Variants in DOCK3 observed in about 807,000 individuals in gnomAD.
The protein encoded by DOCK3 is dedicator of cytokinesis protein 3.
A neutral mutation model predicts 265.6 loss-of-function variants in DOCK3; 60 were observed. The observed-to-expected ratio is 0.23, with a 90% CI of 0.18 to 0.28. The LOEUF (loss-of-function observed/expected upper bound fraction) is 0.28, where lower values mean the gene tolerates loss of function less well. DOCK3 is among the 10% of genes least tolerant of loss of function. DOCK3 has a pLI of 1.00. For synonymous variants in DOCK3, 881 were observed against 938.0 expected (o/e 0.94, Z 1.11); for missense variants, 1,981 against 2,594.3 (o/e 0.76, Z 5.14).
At chr3:51,089,214 A>T in intron 7 of DOCK3, 29 bp from the exon 8 acceptor site, 1 of 1,588,504 alleles carries the variant, frequency 6.3e-7, no homozygotes, top group South Asian at 1.1e-5. Flanking sequence ...TTCCCGGTAG[A>T]GTTTATTTTT....
intron 23 of DOCK3, among the ~76,000 whole-genome samples, chr3:51,265,082 A>T (rs1009033089): frequency 6.6e-6 from 1 of 152,166 alleles, no homozygotes; most frequent in African/African-American, 2.4e-5. Flanking sequence ...ACCTCTGTGC[A>T]AATAAACTAG....
In DOCK3 at chr3:50,675,432, C is replaced by A; in HGVS notation, c.37+132C>A. On this transcript the variant is annotated intron_variant, in intron 1 of 52. Coordinates refer to ENST00000266037, the MANE Select transcript of DOCK3 (RefSeq NM_004947.5). The surrounding 1 kb of genome is among the most constrained non-coding windows in gnomAD (Gnocchi z 6.1). ...GCGCGGCCTCGGCGCGGGGCGAGCG[C>A]GGGGTGGGGGCAGGTGCGGGTGCGG... 1.4e-5 allele frequency: 11 copies of A among 780,742 alleles called. No homozygotes were observed. The highest frequency in any genetic ancestry group is 1.6e-5 in the Non-Finnish European group (10 of 619,762). The allele number at this position is 780,742 out of a possible 1,614,324, so 48.4% of individuals were successfully genotyped here. A position where few individuals can be genotyped will look rare whatever the true frequency, so the allele number is the denominator to read the frequency against.
chr3:51,244,555 A>C (rs1024527724), intron 21 of DOCK3, among the ~76,000 whole-genome samples: 2 of 152,102 alleles, frequency 1.3e-5, no homozygotes, highest in African/African-American at 4.8e-5. Flanking sequence ...TACTGAATTT[A>C]TTTATTAGTT....
chr3:51,037,467 T>C (rs985029723), intron 5 of DOCK3, among the ~76,000 whole-genome samples: 9 of 152,186 alleles, frequency 5.9e-5, no homozygotes, highest in Non-Finnish European at 1.0e-4. Flanking sequence ...TTTTTATTCA[T>C]TCCTTTCCAG....
chr3:51,039,881 GTCT>G (rs1404738418), intron 5 of DOCK3, among the ~76,000 whole-genome samples: 1 of 81,040 alleles, frequency 1.2e-5, no homozygotes, highest in African/African-American at 5.3e-5. Flanking sequence ...GTGCTTTGAG[GTCT>G]TTTTTTTTTT....
intron 12 of DOCK3, among the ~76,000 whole-genome samples, chr3:51,199,993 C>T (rs2088610618): frequency 6.6e-6 from 1 of 152,136 alleles, no homozygotes; most frequent in South Asian, 2.1e-4. Flanking sequence ...AGAAGGAAAA[C>T]TAACAAACAG....
At chr3:50,779,298 GT>G (rs1449748418) in intron 2 of DOCK3, among the ~76,000 whole-genome samples, 3 of 152,044 alleles carry the variant, frequency 2.0e-5, no homozygotes, top group Non-Finnish European at 4.4e-5. Context: ...CTACGTTATA[GT>G]CCATTTATTT....
Position 51,239,581 on chromosome 3 carries a change from G to GT in DOCK3, c.2102+1999dup, listed in dbSNP as rs1026869430. Among the ~76,000 whole-genome samples the GT allele has an allele frequency of 5.1e-3, 673 of 130,784 alleles. 8 individuals are homozygous for GT. Among genetic ancestry groups the GT allele is most frequent in the African/African-American group, 0.016 (593 of 36,312 alleles). 85.8% of individuals were successfully genotyped at this position (130,784 alleles called of 152,430 possible). A position where few individuals can be genotyped will look rare whatever the true frequency, so the allele number is the denominator to read the frequency against. ...TTTTTTTTTTGTTTGTTTGTTTTTTGTTTTTTTTGTTTTTTTTTAGTTGGT... is the reference window on the plus strand; with the variant it reads ...TTTTTTTTTTGTTTGTTTGTTTTTTGTTTTTTTTTGTTTTTTTTTAGTTGGT... On this transcript the variant is annotated intron_variant, in intron 21 of 52. Transcript: ENST00000266037.
chr3:50,985,231 C>T (rs1426828498), intron 5 of DOCK3, among the ~76,000 whole-genome samples: 1 of 152,124 alleles, frequency 6.6e-6, no homozygotes, highest in Non-Finnish European at 1.5e-5. Flanking sequence ...TTAGGTTTTT[C>T]TGTATTGCAC....
chr3:51,191,292 A>G (rs985744805), intron 12 of DOCK3, among the ~76,000 whole-genome samples: 1 of 152,242 alleles, frequency 6.6e-6, no homozygotes, highest in South Asian at 2.1e-4. Context: ...TCAAGATTAT[A>G]TCACAAATTT....
At chr3:51,241,871 T>C (rs912911103) in intron 21 of DOCK3, among the ~76,000 whole-genome samples, 4 of 152,236 alleles carry the variant, frequency 2.6e-5, no homozygotes, top group Non-Finnish European at 5.9e-5. Flanking sequence ...TTCAGTGTAC[T>C]CCTGTAGCTC....
chr3:51,132,860 T>C (rs2084618940), intron 9 of DOCK3, among the ~76,000 whole-genome samples: 1 of 152,058 alleles, frequency 6.6e-6, no homozygotes, highest in African/African-American at 2.4e-5. Flanking sequence ...ATGAACCTCT[T>C]TTGCCAGAAA....
At chr3:50,825,937 A>G (rs894547282) in intron 2 of DOCK3, among the ~76,000 whole-genome samples, 2 of 138,644 alleles carry the variant, frequency 1.4e-5, no homozygotes, top group African/African-American at 5.3e-5. Context: ...ACTAGGAATA[A>G]GAAGGGTTGT....
intron 12 of DOCK3, among the ~76,000 whole-genome samples, chr3:51,164,591 T>G (rs558614788): frequency 1.9e-4 from 24 of 126,082 alleles, no homozygotes; most frequent in African/African-American, 7.3e-4. Context: ...GCCACTGCAC[T>G]CCAGCCTAGG....
chr3:50,768,147 A>C (rs2041026764), intron 1 of DOCK3, among the ~76,000 whole-genome samples: 1 of 152,108 alleles, frequency 6.6e-6, no homozygotes, highest in East Asian at 1.9e-4. Context: ...AACTTCCAAC[A>C]CTGTGTTGAA....
chr3:51,044,532 C>A (rs2080679246), intron 5 of DOCK3, among the ~76,000 whole-genome samples: 1 of 149,724 alleles, frequency 6.7e-6, no homozygotes, highest in Non-Finnish European at 1.5e-5. Context: ...ACCTCCATGA[C>A]ACAAGTTTAC....
At chr3:50,837,943 A>C (rs2045606756) in intron 2 of DOCK3, among the ~76,000 whole-genome samples, 1 of 152,236 alleles carries the variant, frequency 6.6e-6, no homozygotes, top group African/African-American at 2.4e-5. Context: ...AGTTGAGATC[A>C]GCAGAGGCTC....
intron 1 of DOCK3, among the ~76,000 whole-genome samples, chr3:50,728,597 A>G (rs2037982357): frequency 6.6e-6 from 1 of 152,210 alleles, no homozygotes; most frequent in Non-Finnish European, 1.5e-5. Context: ...CATGTTTGTA[A>G]TGAAAGTAGG....
intron 3 of DOCK3, among the ~76,000 whole-genome samples, chr3:50,888,687 A>G (rs999642574): frequency 1.3e-5 from 2 of 152,168 alleles, no homozygotes; most frequent in African/African-American, 4.8e-5. Flanking sequence ...AACAGAACAG[A>G]GCCCTCAGAA....
Sources: gnomAD v4.1 joint callset for allele counts (sites outside exome capture counted in the v4.1 genomes callset) on GRCh38, gnomAD v4.1.1 for gene constraint, Gnocchi (gnomAD v3.1) non-coding constraint, MANE v1.5 for transcripts, NCBI Gene and HGNC (gene_info 2026-07-23, HGNC 2026-07-21) for gene names.